Variants in MAPK8 observed in about 807,000 individuals in gnomAD.
The protein encoded by MAPK8 is mitogen-activated protein kinase 8, also known as JUN N-terminal kinase.
In MAPK8, 13 loss-of-function variants were observed where a neutral mutation model predicts 52.9. The ratio of observed to expected loss-of-function variants is 0.25; its 90% confidence interval spans 0.16 to 0.39. The LOEUF (loss-of-function observed/expected upper bound fraction) is 0.39. MAPK8 is among the 10% of genes least tolerant of loss of function. MAPK8 has a pLI of 1.00. For missense variants in MAPK8, 300 were observed against 519.2 expected, an observed-to-expected ratio of 0.58 and a Z score of 4.10; for synonymous variants, 191 against 169.8, an observed-to-expected ratio of 1.12 and a Z score of -0.97.
intron 1 of MAPK8, among the ~76,000 whole-genome samples, chr10:48,389,014 A>T (rs1265023564): frequency 6.6e-6 from 1 of 152,118 alleles, no homozygotes; most frequent in Non-Finnish European, 1.5e-5. Flanking sequence ...CCTAGGATGC[A>T]CCCTATATTT....
At chr10:48,309,346 CT>C (rs143143950) in intron 1 of MAPK8, among the ~76,000 whole-genome samples, 5,531 of 152,238 alleles carry the variant, frequency 0.036, 280 homozygotes, top group African/African-American at 0.11. Context: ...CTGAATTTCA[CT>C]TCAAATTATC....
At chr10:48,408,155 A>G (rs1041534441) in intron 3 of MAPK8, among the ~76,000 whole-genome samples, 4 of 152,244 alleles carry the variant, frequency 2.6e-5, no homozygotes, top group Admixed American at 6.5e-5. Context: ...CCCAAGTATC[A>G]TCGTCAGCAA....
intron 1 of MAPK8, among the ~76,000 whole-genome samples, chr10:48,328,169 G>A (rs566062244): frequency 6.6e-6 from 1 of 151,902 alleles, no homozygotes; most frequent in Non-Finnish European, 1.5e-5. Flanking sequence ...GGTACATGCC[G>A]CCATGCCCAG....
intron 1 of MAPK8, among the ~76,000 whole-genome samples, chr10:48,362,737 GTTTTTTTT>G (rs10715224): frequency 3.9e-4 from 34 of 87,706 alleles, no homozygotes; most frequent in African/African-American, 1.6e-3. Flanking sequence ...AATTTTATTA[GTTTTTTTT>G]TTTTTTTTTT....
chr10:48,351,755 G>T (rs1238224158), intron 1 of MAPK8, among the ~76,000 whole-genome samples: 1 of 152,078 alleles, frequency 6.6e-6, no homozygotes, highest in African/African-American at 2.4e-5. Context: ...AGAGATACAG[G>T]TTGAGTATCC....
intron 2 of MAPK8, among the ~76,000 whole-genome samples, 187 bp downstream of exon 2, chr10:48,401,969 T>C (rs927438161): frequency 6.6e-6 from 1 of 152,194 alleles, no homozygotes; most frequent in Non-Finnish European, 1.5e-5. Context: ...TTTATTATTA[T>C]TATTAAAGGT....
In MAPK8 at chr10:48,330,415, T is replaced by C. The variant is rs141937599; in HGVS notation, c.-50+23594T>C. Reference sequence around the variant, plus strand: ...TTTCATGTCTGTTCTCAAGAGTTTTTCTGAGGCCATGTGACTTGCCCTGTG... The same window carrying C: ...TTTCATGTCTGTTCTCAAGAGTTTTCCTGAGGCCATGTGACTTGCCCTGTG... On this transcript the variant is annotated intron_variant, in intron 1 of 11. Coordinates refer to ENST00000374189, the MANE Select transcript of MAPK8 (RefSeq NM_001323329.2). 7.9e-3 allele frequency among the ~76,000 whole-genome samples: 1,205 copies of C among 152,322 alleles called. 13 individuals are homozygous for C. The highest frequency in any genetic ancestry group is 0.028 in the African/African-American group (1,155 of 41,566).
intron 1 of MAPK8, among the ~76,000 whole-genome samples, chr10:48,364,216 AT>A (rs1436242593): frequency 6.6e-6 from 1 of 152,098 alleles, no homozygotes; most frequent in Non-Finnish European, 1.5e-5. Flanking sequence ...TAAAGAGGAT[AT>A]TTTCATCAGC....
At chr10:48,402,706 T>C (rs914010332) in intron 2 of MAPK8, among the ~76,000 whole-genome samples, 1 of 152,222 alleles carries the variant, frequency 6.6e-6, no homozygotes, top group African/African-American at 2.4e-5. Flanking sequence ...AAATGTAAAC[T>C]GTTAAGTATT....
At chr10:48,424,360 C>T (rs2043544177) in intron 7 of MAPK8, among the ~76,000 whole-genome samples, 1 of 152,072 alleles carries the variant, frequency 6.6e-6, no homozygotes, top group South Asian at 2.1e-4. Context: ...ACAGTCTCTG[C>T]TGGTAGTCAG....
intron 2 of MAPK8, among the ~76,000 whole-genome samples, chr10:48,402,156 T>A (rs74606746): frequency 0.023 from 3,490 of 152,286 alleles, 143 homozygotes; most frequent in African/African-American, 0.08. Flanking sequence ...ATTTTCAGAT[T>A]TGGGATAATA....
At chr10:48,363,775 T>G (rs1847784115) in intron 1 of MAPK8, among the ~76,000 whole-genome samples, 1 of 152,222 alleles carries the variant, frequency 6.6e-6, no homozygotes, top group South Asian at 2.1e-4. Context: ...GTTTCTACTT[T>G]GAGTACTGTT....
At chr10:48,315,210 C>CCT (rs1842375842) in intron 1 of MAPK8, among the ~76,000 whole-genome samples, 1 of 152,128 alleles carries the variant, frequency 6.6e-6, no homozygotes, top group African/African-American at 2.4e-5. Context: ...AGTCTGTACC[C>CCT]CTCCTCTGCC....
intron 11 of MAPK8, among the ~76,000 whole-genome samples, chr10:48,431,987 T>G (rs573132324): frequency 1.2e-4 from 18 of 152,316 alleles, no homozygotes; most frequent in Admixed American, 2.6e-4. Context: ...GTTCAGAAAT[T>G]TGAAGTAACA....
At chr10:48,426,867 G>C (rs944691604) in intron 9 of MAPK8, 20 of 505,972 alleles carry the variant, frequency 4.0e-5, no homozygotes, top group Non-Finnish European at 7.0e-5. Flanking sequence ...TCAAGAGCTA[G>C]AAGAAAAGAA....
At chr10:48,313,920 C>T (rs1161033563) in intron 1 of MAPK8, among the ~76,000 whole-genome samples, 1 of 152,110 alleles carries the variant, frequency 6.6e-6, no homozygotes, top group Non-Finnish European at 1.5e-5. Context: ...GCCTTGGCCT[C>T]CAAAGTGCTG....
At chr10:48,409,310 A>G (rs926045351) in intron 3 of MAPK8, among the ~76,000 whole-genome samples, 5 of 152,210 alleles carry the variant, frequency 3.3e-5, no homozygotes, top group African/African-American at 9.6e-5. Flanking sequence ...CTTTTGTAAA[A>G]GAGAGGGCAC....
Position 48,409,949 on chromosome 10 carries a change from A to C in MAPK8, c.311+12A>C, listed in dbSNP as rs978302478. The C allele has an allele frequency of 1.9e-6, 3 of 1,609,942 alleles. No homozygotes were observed. In the South Asian group the frequency reaches 3.3e-5, roughly 18 times the overall value. ...GAATTTCAAGATGTGTAAGTGTAATAATTAAAATTTTGTTAAGTTAGTACA... is the reference window on the plus strand; with the variant it reads ...GAATTTCAAGATGTGTAAGTGTAATCATTAAAATTTTGTTAAGTTAGTACA... On this transcript the variant is annotated intron_variant, in intron 4 of 11. Coordinates refer to ENST00000374189, the MANE Select transcript of MAPK8 (RefSeq NM_001323329.2).
At chr10:48,397,955 A>G (rs181446374) in intron 1 of MAPK8, among the ~76,000 whole-genome samples, 6 of 152,322 alleles carry the variant, frequency 3.9e-5, no homozygotes, top group Non-Finnish European at 7.4e-5. Flanking sequence ...ATAAATTTGT[A>G]TAGAACTATA....
Sources: gnomAD v4.1 joint callset for allele counts (sites outside exome capture counted in the v4.1 genomes callset) on GRCh38, gnomAD v4.1.1 for gene constraint, MANE v1.5 for transcripts, NCBI Gene and HGNC (gene_info 2026-07-23, HGNC 2026-07-21) for gene names.